The following TAF4B variants were observed in gnomAD, a reference collection of about 807,000 sequenced individuals.
The protein encoded by TAF4B is TATA-box binding protein associated factor 4b.
Under a neutral mutation model 86.4 loss-of-function variants are expected in TAF4B, and 38 were observed. That is an observed-to-expected ratio of 0.44 (90% confidence interval 0.34 to 0.58). The LOEUF (loss-of-function observed/expected upper bound fraction) is 0.58. Ranked by LOEUF, TAF4B falls within the 20% of genes least tolerant of loss-of-function variation. The pLI, the probability that TAF4B is intolerant of heterozygous loss-of-function variation, is 0.02. For synonymous variants in TAF4B, 388 were observed against 391.2 expected, an observed-to-expected ratio of 0.99 and a Z score of 0.10; for missense variants, 988 against 1,027.6, an observed-to-expected ratio of 0.96 and a Z score of 0.53.
At chr18:26,363,821 T>C (rs999233050) in intron 14 of TAF4B, among the ~76,000 whole-genome samples, 3 of 152,292 alleles carry the variant, frequency 2.0e-5, no homozygotes, top group Admixed American at 6.5e-5. Flanking sequence ...AGAATCAGCA[T>C]ATAATCCCAG....
intron 13 of TAF4B, among the ~76,000 whole-genome samples, chr18:26,336,205 A>T (rs551403531): frequency 6.6e-6 from 1 of 152,184 alleles, no homozygotes; most frequent in Non-Finnish European, 1.5e-5. Flanking sequence ...TAGTTACTTC[A>T]CTGATTTCAT....
chr18:26,285,313 G>A (rs895077256), intron 6 of TAF4B, among the ~76,000 whole-genome samples: 2 of 139,264 alleles, frequency 1.4e-5, no homozygotes, highest in Admixed American at 8.0e-5. Context: ...TCTGCCTCCC[G>A]AGTAGCTGGG....
In TAF4B at chr18:26,382,843, G is replaced by A. The variant is rs562003835; in HGVS notation, c.2422-7002G>A. 1.3e-4 allele frequency among the ~76,000 whole-genome samples: 20 copies of A among 152,244 alleles called. 1 individual carries two copies. The highest frequency in any genetic ancestry group is 4.2e-4 in the South Asian group (2 of 4,814). ...GAGAAAATTACATTGCACTGAAGACGTATGATGGTAGAGGGAAATAAAAAG... is the reference window on the plus strand; with the variant it reads ...GAGAAAATTACATTGCACTGAAGACATATGATGGTAGAGGGAAATAAAAAG... On this transcript the variant is annotated intron_variant, in intron 14 of 14. Transcript: ENST00000269142.
At chr18:26,306,624 T>A (rs1351889048) in intron 9 of TAF4B, among the ~76,000 whole-genome samples, 1 of 152,196 alleles carries the variant, frequency 6.6e-6, no homozygotes, top group Non-Finnish European at 1.5e-5. Context: ...TTCTTAGATA[T>A]TTTTGTACAA....
chr18:26,371,747 A>G (rs114609106), intron 14 of TAF4B, among the ~76,000 whole-genome samples: 27 of 152,254 alleles, frequency 1.8e-4, no homozygotes, highest in African/African-American at 6.3e-4. Context: ...ATCTCAGTAA[A>G]TGATTATACT....
intron 12 of TAF4B, among the ~76,000 whole-genome samples, chr18:26,332,793 A>G (rs765715744): frequency 6.6e-5 from 10 of 152,038 alleles, no homozygotes; most frequent in African/African-American, 2.2e-4. Context: ...CAGCATCCCA[A>G]AGTGCTGGGA....
rs1244646848 is a variant in TAF4B at position 26,286,262 on chromosome 18, A to T, written c.1353A>T (p.Gln451His). The T allele has an allele frequency of 6.2e-7, 1 of 1,614,248 alleles. No individual in the cohort carries two copies. The highest frequency in any genetic ancestry group is 1.1e-5 in the South Asian group (1 of 91,092). ...VANTVTTVSL[Q>H]PEKPVVSGTA... is the part of the protein sequence containing the mutation. ...ACACAGTGACCACGGTCTCACTGCA[A>T]CCTGAAAAGCCAGTTGTCTCTGGAA... The change falls in exon 7 of 15, where the codon CAA becomes CAT. Residue 451 changes from glutamine (Q) to histidine (H), a missense_variant. Transcript: ENST00000269142.
At position 26,251,326 on chromosome 18, in the gene TAF4B, A is replaced by G. The variant is rs149239618; in HGVS notation, c.344-13844A>G. On this transcript the variant is annotated intron_variant, in intron 1 of 14. Coordinates refer to ENST00000269142, the MANE Select transcript of TAF4B (RefSeq NM_005640.3). ...CATTCTGTATATGTATTAAATTGTA[A>G]TAGATGAATTCTAGCATCTTTAAGG... 4.6e-5 allele frequency among the ~76,000 whole-genome samples: 7 copies of G among 152,318 alleles called. No homozygotes were observed. In the East Asian group the frequency reaches 1.3e-3, roughly 29 times the overall value.
chr18:26,271,892 A>C, intron 3 of TAF4B, among the ~76,000 whole-genome samples: 1 of 146,510 alleles, frequency 6.8e-6, no homozygotes, highest in Admixed American at 7.1e-5. Context: ...GCACCACTGC[A>C]CTCCAGCCTG....
chr18:26,296,418 C>T (rs540621600), intron 9 of TAF4B, among the ~76,000 whole-genome samples: 28 of 149,942 alleles, frequency 1.9e-4, no homozygotes, highest in Non-Finnish European at 3.8e-4. Context: ...TGGCTCTGCC[C>T]TGTCTCTCTT....
chr18:26,237,932 G>A (rs2055773813), intron 1 of TAF4B, among the ~76,000 whole-genome samples: 1 of 152,126 alleles, frequency 6.6e-6, no homozygotes. Context: ...CATCAGAAAA[G>A]AGAAAACTGC....
At chr18:26,230,166 A>G (rs951821901) in intron 1 of TAF4B, among the ~76,000 whole-genome samples, 3 of 152,170 alleles carry the variant, frequency 2.0e-5, no homozygotes, top group Non-Finnish European at 2.9e-5. Flanking sequence ...GATATTCTTC[A>G]TCTTGTCTAT....
chr18:26,296,509 T>C (rs949736774), intron 9 of TAF4B, among the ~76,000 whole-genome samples: 4 of 152,056 alleles, frequency 2.6e-5, no homozygotes, highest in African/African-American at 9.7e-5. Flanking sequence ...TAGATGAGAT[T>C]GAGAAGATGA....
intron 13 of TAF4B, among the ~76,000 whole-genome samples, chr18:26,350,838 A>G (rs1407147874): frequency 2.0e-5 from 3 of 152,260 alleles, no homozygotes; most frequent in Non-Finnish European, 4.4e-5. Context: ...ATTCGACCCC[A>G]GTGAAGATGG....
At chr18:26,230,147 GTTC>G (rs1373606370) in intron 1 of TAF4B, among the ~76,000 whole-genome samples, 4 of 152,170 alleles carry the variant, frequency 2.6e-5, no homozygotes, top group Admixed American at 1.3e-4. Flanking sequence ...CTGAACTGTG[GTTC>G]TTCTTGATAT....
chr18:26,380,160 G>C (rs2057468569), intron 14 of TAF4B, among the ~76,000 whole-genome samples: 1 of 152,026 alleles, frequency 6.6e-6, no homozygotes, highest in South Asian at 2.1e-4. Flanking sequence ...TCTTGCCTTA[G>C]AGCACTGGCT....
Position 26,346,823 on chromosome 18 carries a change from GTA to G in TAF4B, c.2317-10855_2317-10854del, listed in dbSNP as rs1197712479. Among the ~76,000 whole-genome samples, 135 of 14,956 alleles carry G rather than the reference GTA, an allele frequency of 9.0e-3. 5 individuals are homozygous for G. Among genetic ancestry groups the G allele is most frequent in the Non-Finnish European group, 0.018 (89 of 4,912 alleles). 9.8% of individuals were successfully genotyped at this position (14,956 alleles called of 152,430 possible). ...TGTGTATATATATATATATGTGTGT[GTA>G]TATATATATATGTGTGTGTGTATAT... On this transcript the variant is annotated intron_variant, in intron 13 of 14. Transcript: ENST00000269142.
At position 26,342,542 on chromosome 18, in the gene TAF4B, G is replaced by A. The variant is rs117975792; in HGVS notation, c.2316+7311G>A. On this transcript the variant is annotated intron_variant, in intron 13 of 14. Coordinates refer to ENST00000269142, the MANE Select transcript of TAF4B (RefSeq NM_005640.3). ...GCATCAAGAAGTACGTCTATTGAAC[G>A]TTACCTCTGAGAACTTGTGTGATCT... Among the ~76,000 whole-genome samples the A allele has an allele frequency of 5.3e-5, 8 of 152,156 alleles. No individual in the cohort carries two copies. In the East Asian group the frequency reaches 1.4e-3, roughly 26 times the overall value.
chr18:26,280,294 CA>C (rs904812056), intron 5 of TAF4B, among the ~76,000 whole-genome samples: 9 of 152,052 alleles, frequency 5.9e-5, no homozygotes, highest in African/African-American at 2.2e-4. Flanking sequence ...GCAATTTCAA[CA>C]AAAACAAAAA....
Sources: allele counts gnomAD v4.1 joint callset (sites outside exome capture counted in the v4.1 genomes callset), GRCh38; gene constraint gnomAD v4.1.1; transcripts MANE v1.5; gene names NCBI Gene and HGNC (gene_info 2026-07-23, HGNC 2026-07-21).